Variants in PPP3CA observed in about 807,000 individuals in gnomAD.
The protein encoded by PPP3CA is protein phosphatase 3 catalytic subunit alpha.
A neutral mutation model predicts 66.5 loss-of-function variants in PPP3CA; 14 were observed. The ratio of observed to expected loss-of-function variants is 0.21; its 90% CI spans 0.14 to 0.33. The LOEUF (loss-of-function observed/expected upper bound fraction) is 0.33. Ranked by LOEUF, PPP3CA falls within the 10% of genes least tolerant of loss-of-function variation. The pLI is 1.00. For missense variants in PPP3CA, 317 were observed against 639.5 expected (o/e 0.50, Z 5.44); for synonymous variants, 232 against 226.2 (o/e 1.03, Z -0.23).
At chr4:101,069,739 G>A (rs1728832419) in intron 8 of PPP3CA, among the ~76,000 whole-genome samples, 1 of 152,118 alleles carries the variant, frequency 6.6e-6, no homozygotes. Flanking sequence ...TCAACATGAA[G>A]AAGACGAGGA....
At chr4:101,179,915 C>T (rs1466828196) in intron 2 of PPP3CA, among the ~76,000 whole-genome samples, 3 of 152,036 alleles carry the variant, frequency 2.0e-5, no homozygotes, top group South Asian at 4.2e-4. Flanking sequence ...CATTCAAATA[C>T]AAACATACTC....
intron 10 of PPP3CA, among the ~76,000 whole-genome samples, chr4:101,053,737 C>G (rs963844756): frequency 6.6e-6 from 1 of 152,054 alleles, no homozygotes; most frequent in South Asian, 2.1e-4. Context: ...CCCTCCTATG[C>G]CCCTAGGTTT....
intron 1 of PPP3CA, among the ~76,000 whole-genome samples, chr4:101,227,119 C>CACATACAT (rs33970429): frequency 6.9e-6 from 1 of 145,974 alleles, no homozygotes; most frequent in Non-Finnish European, 1.5e-5. Flanking sequence ...TGTACATACA[C>CACATACAT]ACATACATAC....
intron 2 of PPP3CA, among the ~76,000 whole-genome samples, chr4:101,136,904 T>G (rs1722641264): frequency 6.6e-6 from 1 of 152,144 alleles, no homozygotes; most frequent in Admixed American, 6.5e-5. Flanking sequence ...ACATACGTGG[T>G]TCCAACAATG....
intron 2 of PPP3CA, among the ~76,000 whole-genome samples, chr4:101,132,055 T>C (rs1722460617): frequency 1.3e-5 from 2 of 152,048 alleles, no homozygotes; most frequent in South Asian, 2.1e-4. Context: ...TTGAAACCAA[T>C]GAGAACAAAG....
intron 1 of PPP3CA, among the ~76,000 whole-genome samples, chr4:101,290,836 G>A (rs1161732603): frequency 6.6e-6 from 1 of 152,206 alleles, no homozygotes; most frequent in East Asian, 1.9e-4. Flanking sequence ...CTCATGGCAT[G>A]GGGCCAGACT....
In PPP3CA at chr4:101,091,557, C is replaced by T. The variant is rs536687498; in HGVS notation, c.782+2219G>A. ...TTTATAGTGCACTAGATTTTCTATT[C>T]ATGAACTTTAATTTATCAATCACAT... On this transcript the variant is annotated intron_variant, in intron 6 of 13. Transcript: ENST00000394854. Among the ~76,000 whole-genome samples, 6 of 152,062 alleles carry T rather than the reference C, an allele frequency of 3.9e-5. No homozygotes were observed. The South Asian group carries it at 8.3e-4, about 21-fold the overall frequency.
intron 1 of PPP3CA, among the ~76,000 whole-genome samples, chr4:101,308,595 A>G (rs113735973): frequency 0.011 from 1,616 of 152,144 alleles, 34 homozygotes; most frequent in African/African-American, 0.037. Flanking sequence ...ACAGGCACCC[A>G]CCACCATACC....
intron 2 of PPP3CA, among the ~76,000 whole-genome samples, chr4:101,182,148 A>G (rs1015755558): frequency 2.6e-5 from 4 of 152,182 alleles, no homozygotes; most frequent in African/African-American, 9.6e-5. Flanking sequence ...GATTCAATTA[A>G]CATTTTATTG....
chr4:101,073,785 G>C (rs1729028122), intron 8 of PPP3CA, among the ~76,000 whole-genome samples: 1 of 151,932 alleles, frequency 6.6e-6, no homozygotes, highest in African/African-American at 2.4e-5. Context: ...AGGGGTTGGG[G>C]GGATGTCTTA....
intron 2 of PPP3CA, among the ~76,000 whole-genome samples, chr4:101,151,325 G>A (rs1464470971): frequency 1.3e-5 from 2 of 152,126 alleles, no homozygotes; most frequent in African/African-American, 4.8e-5. Context: ...AGCACTTTGG[G>A]AGGCCGTGGG....
rs145226395 is a variant in PPP3CA at position 101,274,173 on chromosome 4, G to A, written c.58+72566C>T. On this transcript the variant is annotated intron_variant, in intron 1 of 13. Coordinates refer to ENST00000394854, the MANE Select transcript of PPP3CA (RefSeq NM_000944.5). Reference sequence around the variant, plus strand: ...ACCAACATTAGCCGGACATGATGGCGGGTGCCTGTAATCCCAGCTATTTGG... The same window carrying A: ...ACCAACATTAGCCGGACATGATGGCAGGTGCCTGTAATCCCAGCTATTTGG... Among the ~76,000 whole-genome samples the A allele has an allele frequency of 1.7e-3, 264 of 152,206 alleles. 3 individuals carry two copies. Among genetic ancestry groups the A allele is most frequent in the African/African-American group, 5.9e-3 (247 of 41,538 alleles).
At chr4:101,278,136 A>ATAAAAAAT (rs1400201070) in intron 1 of PPP3CA, among the ~76,000 whole-genome samples, 1 of 145,840 alleles carries the variant, frequency 6.9e-6, no homozygotes, top group African/African-American at 2.7e-5. Flanking sequence ...AAAAAAAAAA[A>ATAAAAAAT]AAATAAAAAA....
intron 1 of PPP3CA, among the ~76,000 whole-genome samples, chr4:101,252,352 T>C (rs1726704214): frequency 6.6e-6 from 1 of 152,320 alleles, no homozygotes; most frequent in East Asian, 1.9e-4. Flanking sequence ...TTTGGTAGGG[T>C]TGTAAATACA....
intron 1 of PPP3CA, among the ~76,000 whole-genome samples, chr4:101,277,797 G>T (rs1388059974): frequency 1.3e-5 from 2 of 151,978 alleles, no homozygotes; most frequent in Non-Finnish European, 2.9e-5. Context: ...CTGCAAACAG[G>T]GTTTTCTACT....
intron 10 of PPP3CA, among the ~76,000 whole-genome samples, chr4:101,046,536 TTG>T (rs1164480091): frequency 6.6e-6 from 1 of 152,000 alleles, no homozygotes; most frequent in Non-Finnish European, 1.5e-5. Flanking sequence ...CTAAAATTTT[TTG>T]TGTGTTTTAA....
At chr4:101,322,058 A>G (rs1729056864) in intron 1 of PPP3CA, among the ~76,000 whole-genome samples, 1 of 152,206 alleles carries the variant, frequency 6.6e-6, no homozygotes, top group Non-Finnish European at 1.5e-5. Context: ...TCTTTTGAAC[A>G]TATTTAGGCT....
At chr4:101,036,939 A>G (rs1167528303) in intron 11 of PPP3CA, among the ~76,000 whole-genome samples, 1 of 152,186 alleles carries the variant, frequency 6.6e-6, no homozygotes, top group East Asian at 1.9e-4. Context: ...TCTCTCTTGT[A>G]GCCTCTCATA....
At chr4:101,169,501 TCTGA>T (rs1247725080) in intron 2 of PPP3CA, among the ~76,000 whole-genome samples, 1 of 152,166 alleles carries the variant, frequency 6.6e-6, no homozygotes, top group African/African-American at 2.4e-5. Context: ...TCAGTCAGAC[TCTGA>T]CTTTTATCCT....
Sources: gnomAD v4.1 joint callset for allele counts (sites outside exome capture counted in the v4.1 genomes callset) on GRCh38, gnomAD v4.1.1 for gene constraint, MANE v1.5 for transcripts, NCBI Gene and HGNC (gene_info 2026-07-23, HGNC 2026-07-21) for gene names.